NCALD: variants seen among roughly 807,000 people sequenced by gnomAD.
The protein encoded by NCALD is neurocalcin-delta.
Under a neutral mutation model 18.6 loss-of-function variants are expected in NCALD, and 10 were observed. The observed-to-expected ratio is 0.54, with a 90% CI of 0.33 to 0.91. The LOEUF (loss-of-function observed/expected upper bound fraction) is 0.91, where lower values mean the gene tolerates loss of function less well. Ranked by LOEUF, NCALD falls within the 40% of genes least tolerant of loss-of-function variation. The probability of loss-of-function intolerance (pLI) is 0.03; values close to 1 mark genes in which losing one functional copy is unlikely to be tolerated. For missense variants in NCALD, 184 were observed against 247.6 expected (o/e 0.74, Z 1.72); for synonymous variants, 88 against 87.4 (o/e 1.01, Z -0.04).
chr8:101,712,605 A>AAAAAAAAAAAAC (rs1815858913), intron 2 of NCALD, among the ~76,000 whole-genome samples: 1 of 137,886 alleles, frequency 7.3e-6, no homozygotes, highest in Non-Finnish European at 1.6e-5. Context: ...AAAAAAAAAA[A>AAAAAAAAAAAAC]AAAAAATAGC....
At chr8:102,038,814 G>A (rs902517744) in intron 1 of NCALD, among the ~76,000 whole-genome samples, 7 of 152,112 alleles carry the variant, frequency 4.6e-5, no homozygotes, top group Admixed American at 6.5e-5. Context: ...AAGAATGATA[G>A]GATGGTCACT....
intron 3 of NCALD, among the ~76,000 whole-genome samples, chr8:101,893,830 T>A (rs1252442447): frequency 6.9e-6 from 1 of 144,412 alleles, no homozygotes; most frequent in South Asian, 2.1e-4. Flanking sequence ...TAAATATATA[T>A]GCACCCAATA....
intron 4 of NCALD, among the ~76,000 whole-genome samples, chr8:101,880,480 T>C (rs1816446783): frequency 6.6e-6 from 1 of 152,178 alleles, no homozygotes; most frequent in Non-Finnish European, 1.5e-5. Flanking sequence ...ACTGAAGGGC[T>C]CCTGGAGCAT....
At chr8:101,709,492 C>A (rs1294626270) in intron 2 of NCALD, among the ~76,000 whole-genome samples, 7 of 152,148 alleles carry the variant, frequency 4.6e-5, no homozygotes, top group South Asian at 2.1e-4. Flanking sequence ...TAAAATTTGG[C>A]CTTTCAAGGG....
At chr8:101,758,907 T>C (rs1289221280) in intron 1 of NCALD, among the ~76,000 whole-genome samples, 1 of 152,108 alleles carries the variant, frequency 6.6e-6, no homozygotes, top group Non-Finnish European at 1.5e-5. Context: ...AATTGGAGAG[T>C]TGCATCACAT....
At chr8:102,078,356 T>G (rs1824416170) in intron 1 of NCALD, among the ~76,000 whole-genome samples, 1 of 152,214 alleles carries the variant, frequency 6.6e-6, no homozygotes, top group African/African-American at 2.4e-5. Flanking sequence ...CTTGCCCCTC[T>G]ACATTCTATT....
rs144201535 is a variant in NCALD at position 102,012,661 on chromosome 8, T to C, written c.-157+7576A>G. Among the ~76,000 whole-genome samples the C allele has an allele frequency of 2.5e-3, 384 of 152,354 alleles. 1 individual carries two copies. Among genetic ancestry groups the C allele is most frequent in the Non-Finnish European group, 4.4e-3 (298 of 68,030 alleles). The stretch of plus-strand genomic sequence containing the variant: ...TGCAGAGGGATCTAATGATGAATCA[T>C]GCAGTGAGCTTCTGAAACAGCTGAA... On this transcript the variant is annotated intron_variant, in intron 2 of 6. Transcript: ENST00000311028.
At chr8:102,090,500 A>G (rs1348015512) in intron 1 of NCALD, among the ~76,000 whole-genome samples, 1 of 152,190 alleles carries the variant, frequency 6.6e-6, no homozygotes, top group Non-Finnish European at 1.5e-5. Flanking sequence ...GGAGAGCTCA[A>G]ACGTTCATGA....
chr8:101,974,002 TG>T (rs1163328790), intron 2 of NCALD, among the ~76,000 whole-genome samples: 2 of 152,266 alleles, frequency 1.3e-5, no homozygotes, highest in East Asian at 3.9e-4. Flanking sequence ...CTTCTAGTCT[TG>T]CACTTGTTCC....
chr8:101,738,364 C>T (rs953137763), intron 1 of NCALD, among the ~76,000 whole-genome samples: 5 of 151,752 alleles, frequency 3.3e-5, no homozygotes, highest in African/African-American at 1.2e-4. Context: ...CCCAACATGG[C>T]GAAACCCCAT....
intron 1 of NCALD, among the ~76,000 whole-genome samples, chr8:101,760,658 A>C (rs6982154): frequency 6.6e-6 from 1 of 152,230 alleles, no homozygotes; most frequent in African/African-American, 2.4e-5. Context: ...CTCAGCTTTA[A>C]GTTAAACATA....
intron 1 of NCALD, among the ~76,000 whole-genome samples, chr8:102,035,026 A>G (rs891497804): frequency 3.3e-5 from 5 of 152,104 alleles, no homozygotes; most frequent in African/African-American, 1.2e-4. Flanking sequence ...TCCTATTTCT[A>G]TGAATTTGAC....
At chr8:101,861,794 G>A (rs947893032) in intron 4 of NCALD, among the ~76,000 whole-genome samples, 9 of 152,064 alleles carry the variant, frequency 5.9e-5, no homozygotes, top group Non-Finnish European at 1.3e-4. Context: ...AGATAGGAAG[G>A]CAGATGAGAA....
intron 3 of NCALD, among the ~76,000 whole-genome samples, chr8:101,895,734 A>C (rs979786084): frequency 2.0e-5 from 3 of 148,736 alleles, no homozygotes; most frequent in Admixed American, 1.3e-4. Context: ...ACAAAGAGAG[A>C]GCCAAATCAT....
At chr8:101,925,708 C>A (rs1018048442) in intron 2 of NCALD, among the ~76,000 whole-genome samples, 1 of 152,104 alleles carries the variant, frequency 6.6e-6, no homozygotes, top group Non-Finnish European at 1.5e-5. Flanking sequence ...TAGAACAGAA[C>A]CCCATACCTA....
intron 4 of NCALD, among the ~76,000 whole-genome samples, chr8:101,860,248 C>A (rs909463817): frequency 6.6e-6 from 1 of 152,070 alleles, no homozygotes; most frequent in Admixed American, 6.6e-5. Context: ...AGGAAACTAC[C>A]GGAGGTTAGG....
At chr8:101,692,663 C>T in intron 3 of NCALD, 128 bp downstream of exon 3, 2 of 1,374,522 alleles carry the variant, frequency 1.5e-6, no homozygotes, top group Middle Eastern at 2.5e-4. Flanking sequence ...TCCCCTCCTA[C>T]CCACCCAGGA....
chr8:102,043,177 T>C (rs1041536768), intron 1 of NCALD, among the ~76,000 whole-genome samples: 1 of 152,004 alleles, frequency 6.6e-6, no homozygotes, highest in Non-Finnish European at 1.5e-5. Context: ...CTAACAGTTA[T>C]GAGCAGTTAA....
At chr8:101,851,668 A>G (rs1815098223) in intron 4 of NCALD, among the ~76,000 whole-genome samples, 2 of 152,116 alleles carry the variant, frequency 1.3e-5, no homozygotes, top group Admixed American at 1.3e-4. Flanking sequence ...GCAAACACCC[A>G]TTAGTATTCT....
Sources: allele counts gnomAD v4.1 joint callset (sites outside exome capture counted in the v4.1 genomes callset), GRCh38; gene constraint gnomAD v4.1.1; transcripts MANE v1.5; gene names NCBI Gene and HGNC (gene_info 2026-07-23, HGNC 2026-07-21).